The following ZNF431 variants were observed in gnomAD, a reference collection of about 807,000 sequenced individuals.
The protein encoded by ZNF431 is zinc finger protein 431.
Under a neutral mutation model 57.0 loss-of-function variants are expected in ZNF431, and 34 were observed. The observed-to-expected ratio is 0.60, with a 90% CI of 0.45 to 0.79. ZNF431 has a LOEUF of 0.79. Among genes scored for constraint, ZNF431 ranks in the 30% least tolerant of loss-of-function variants. The pLI is 0.00. For missense variants in ZNF431, 607 were observed against 667.1 expected (o/e 0.91, Z 0.99); for synonymous variants, 207 against 220.3 (o/e 0.94, Z 0.54).
chr19:21,173,674 C>T (rs552625523), intron 4 of ZNF431, among the ~76,000 whole-genome samples: 5 of 150,600 alleles, frequency 3.3e-5, no homozygotes, highest in Admixed American at 1.3e-4. Context: ...TACAGGTGCC[C>T]GCCACCATGC....
At chr19:21,173,263 C>T (rs1288532359) in intron 4 of ZNF431, among the ~76,000 whole-genome samples, 2 of 152,102 alleles carry the variant, frequency 1.3e-5, no homozygotes, top group African/African-American at 4.8e-5. Context: ...TCAAATATGT[C>T]TTCTAGGTCC....
At chr19:21,154,430 T>G (rs918294301) in intron 2 of ZNF431, among the ~76,000 whole-genome samples, 1 of 152,236 alleles carries the variant, frequency 6.6e-6, no homozygotes, top group African/African-American at 2.4e-5. Flanking sequence ...TGTTGGACAT[T>G]TGGCTTGGTT....
In ZNF431 at chr19:21,184,043, C is replaced by G; in HGVS notation, c.*9C>G. The G allele has an allele frequency of 2.6e-6, 4 of 1,543,086 alleles. No individual in the cohort carries two copies. The South Asian group carries it at 3.9e-5, about 15-fold the overall frequency. On this transcript the variant is annotated 3_prime_UTR_variant, in exon 5 of 5. Transcript: ENST00000311048. ...TGTGGGAAAGCCTTTAAGCAGTCCT[C>G]AACTCTTACTAAGCATTAAATATTG...
intron 2 of ZNF431, chr19:21,149,728 C>T (rs896265798): frequency 1.3e-5 from 8 of 612,050 alleles, no homozygotes; most frequent in Non-Finnish European, 2.1e-5. Context: ...AGACCCAGGG[C>T]CTTCCCTCCC....
intron 2 of ZNF431, 117 bp from the exon 3 acceptor site, chr19:21,166,218 T>C (rs967622390): frequency 3.5e-6 from 5 of 1,420,280 alleles, no homozygotes; most frequent in Non-Finnish European, 4.7e-6. Context: ...ATTTCAGTTA[T>C]TCTTATAAGT....
At chr19:21,146,858 TG>T (rs1019327826) in intron 2 of ZNF431, among the ~76,000 whole-genome samples, 1 of 152,198 alleles carries the variant, frequency 6.6e-6, no homozygotes, top group African/African-American at 2.4e-5. Context: ...AGATGTGCTC[TG>T]GTTCCTCTGA....
At chr19:21,142,286 C>T in intron 1 of ZNF431, 100 bp downstream of exon 1, 1 of 1,519,982 alleles carries the variant, frequency 6.6e-7, no homozygotes, top group Admixed American at 1.7e-5. Context: ...CAGTCAGCTC[C>T]ACAGTCTGCG....
At chr19:21,173,509 ATTTC>A (rs528892596) in intron 4 of ZNF431, among the ~76,000 whole-genome samples, 16 of 152,056 alleles carry the variant, frequency 1.1e-4, no homozygotes, top group Admixed American at 8.5e-4. Context: ...ATGAGATTTT[ATTTC>A]TTTATTATTT....
chr19:21,177,210 G>C lies in ZNF431; in HGVS notation c.320-5413G>C, dbSNP rs190886544. On this transcript the variant is annotated intron_variant, in intron 4 of 4. Transcript: ENST00000311048. ...TTCATCTTGAGTTAATTTTTTATAGGCATAAGAAAGAGGTCCAATTTCAAT... is the reference window on the plus strand; with the variant it reads ...TTCATCTTGAGTTAATTTTTTATAGCCATAAGAAAGAGGTCCAATTTCAAT... Among the ~76,000 whole-genome samples, 9 of 152,122 alleles carry C rather than the reference G, an allele frequency of 5.9e-5. No homozygotes were observed. In the East Asian group the frequency reaches 1.5e-3, roughly 26 times the overall value.
chr19:21,156,951 C>G (rs886089035), intron 2 of ZNF431, among the ~76,000 whole-genome samples: 2 of 152,034 alleles, frequency 1.3e-5, no homozygotes, highest in African/African-American at 4.8e-5. Context: ...ACTTCTTTTT[C>G]TATCTTTTGT....
chr19:21,162,144 T>TTTGTGTGTGTG (rs1417739477), intron 2 of ZNF431, among the ~76,000 whole-genome samples: 37 of 66,176 alleles, frequency 5.6e-4, no homozygotes, highest in African/African-American at 1.4e-3. Flanking sequence ...ATCCAGCTAA[T>TTTGTGTGTGTG]TGTGTGTGTG....
chr19:21,167,589 A>C lies in ZNF431; in HGVS notation c.242A>C (p.Gln81Pro). The C allele has an allele frequency of 6.3e-7, 1 of 1,578,342 alleles. No individual in the cohort carries two copies. The highest frequency in any genetic ancestry group is 8.6e-7 in the Non-Finnish European group (1 of 1,163,814). ...LVFLGVAVSK[Q>P]DPVTCLEQEK... is the part of the protein sequence containing the mutation. ...AAAGCAGGTGTTGCTGTCTCTAAGCAAGACCCAGTCACCTGTCTGGAGCAA... is the reference window on the plus strand; with the variant it reads ...AAAGCAGGTGTTGCTGTCTCTAAGCCAGACCCAGTCACCTGTCTGGAGCAA... The change falls in exon 4 of 5, where the codon CAA becomes CCA. Residue 81 changes from glutamine (Q) to proline (P), a missense_variant. Transcript: ENST00000311048.
intron 2 of ZNF431, among the ~76,000 whole-genome samples, chr19:21,163,672 C>T (rs1970640746): frequency 6.6e-6 from 1 of 151,958 alleles, no homozygotes. Flanking sequence ...CAGGCATGCA[C>T]CACCACGCCA....
At chr19:21,157,048 G>C (rs917631199) in intron 2 of ZNF431, among the ~76,000 whole-genome samples, 2 of 152,194 alleles carry the variant, frequency 1.3e-5, no homozygotes, top group African/African-American at 4.8e-5. Flanking sequence ...AAAGTGCTGA[G>C]ATTACAAGTG....
rs1275717061 is a variant in ZNF431 at position 21,186,997 on chromosome 19, A to G, written c.*2963A>G. The G allele has an allele frequency of 6.6e-6, 1 of 152,164 alleles. No homozygotes were observed. The highest frequency in any genetic ancestry group is 2.4e-5 in the African/African-American group (1 of 41,446). The allele number at this position is 152,164 out of a possible 1,614,324, so 9.4% of individuals were successfully genotyped here. A position where few individuals can be genotyped will look rare whatever the true frequency, so the allele number is the denominator to read the frequency against. On this transcript the variant is annotated 3_prime_UTR_variant, in exon 5 of 5. Coordinates refer to ENST00000311048, the MANE Select transcript of ZNF431 (RefSeq NM_133473.4). ...CTTCATTAGTCATGAGGATGTTTTT[A>G]TATATAAATGTAGCAAACATATATT...
intron 2 of ZNF431, 42 bp downstream of exon 2, chr19:21,143,685 C>T: frequency 6.7e-7 from 1 of 1,482,580 alleles, no homozygotes; most frequent in Non-Finnish European, 9.4e-7. Flanking sequence ...CCCAACCCAG[C>T]TTTCATTTCT....
chr19:21,185,121 G>A lies in ZNF431; in HGVS notation c.*1087G>A. 6.6e-6 allele frequency: 1 copy of A among 152,102 alleles called. No homozygotes were observed. The highest frequency in any genetic ancestry group is 6.5e-5 in the Admixed American group (1 of 15,276). The allele number at this position is 152,102 out of a possible 1,614,324, so 9.4% of individuals were successfully genotyped here. ...AGTAAAATATTTAATCCATAATTAA[G>A]TCTATGCAAATATCAGAGAATTTAT... On this transcript the variant is annotated 3_prime_UTR_variant, in exon 5 of 5. Coordinates refer to ENST00000311048, the MANE Select transcript of ZNF431 (RefSeq NM_133473.4).
intron 4 of ZNF431, among the ~76,000 whole-genome samples, chr19:21,175,209 A>G (rs956818094): frequency 4.6e-5 from 7 of 152,010 alleles, no homozygotes; most frequent in African/African-American, 1.5e-4. Context: ...GCCATCCCAA[A>G]CCGAGATAGT....
In ZNF431 at chr19:21,195,189, G is replaced by A. The variant is rs1568323264; in HGVS notation, c.*11155G>A. 6.6e-6 allele frequency: 1 copy of A among 152,192 alleles called. No individual in the cohort carries two copies. Among genetic ancestry groups the A allele is most frequent in the Non-Finnish European group, 1.5e-5 (1 of 68,040 alleles). The allele number at this position is 152,192 out of a possible 1,614,324, so 9.4% of individuals were successfully genotyped here. On this transcript the variant is annotated 3_prime_UTR_variant, in exon 5 of 5. Coordinates refer to ENST00000311048, the MANE Select transcript of ZNF431 (RefSeq NM_133473.4). ...TCAAATGGCCAACACAGAATCTAAC[G>A]ACATGCTTAATACAAATTATTATTA...
Sources: allele counts gnomAD v4.1 joint callset (sites outside exome capture counted in the v4.1 genomes callset), GRCh38; gene constraint gnomAD v4.1.1; transcripts MANE v1.5; gene names NCBI Gene and HGNC (gene_info 2026-07-23, HGNC 2026-07-21).